Variants in NCAPH observed in about 807,000 individuals in gnomAD.
The protein encoded by NCAPH is condensin complex subunit 2.
A neutral mutation model predicts 85.5 loss-of-function variants in NCAPH; 38 were observed. The observed-to-expected ratio is 0.44, with a 90% CI of 0.34 to 0.58. The LOEUF (loss-of-function observed/expected upper bound fraction) is 0.58, where lower values mean the gene tolerates loss of function less well. Among genes scored for constraint, NCAPH ranks in the 20% least tolerant of loss-of-function variants. NCAPH has a pLI of 0.01. For missense variants in NCAPH, 789 were observed against 916.6 expected, an observed-to-expected ratio of 0.86 and a Z score of 1.80; for synonymous variants, 301 against 335.1, an observed-to-expected ratio of 0.90 and a Z score of 1.11.
At position 96,369,519 on chromosome 2, in the gene NCAPH, C is replaced by T. The variant is rs376108838; in HGVS notation, c.2166+19C>T. On this transcript the variant is annotated intron_variant, in intron 17 of 17. Transcript: ENST00000240423. ...TGAAAAGGTAGGTAATTAAGGTAAGCATGGGAGTATTAGAGTATTCCCTGT... is the reference window on the plus strand; with the variant it reads ...TGAAAAGGTAGGTAATTAAGGTAAGTATGGGAGTATTAGAGTATTCCCTGT... 2.7e-5 allele frequency: 44 copies of T among 1,603,800 alleles called. No individual in the cohort carries two copies. The highest frequency in any genetic ancestry group is 3.4e-5 in the Non-Finnish European group (40 of 1,170,762).
chr2:96,337,501 G>A (rs1173180711), intron 1 of NCAPH, among the ~76,000 whole-genome samples: 1 of 151,862 alleles, frequency 6.6e-6, no homozygotes, highest in Non-Finnish European at 1.5e-5. Context: ...CCCACTGCAA[G>A]CTCCGCCTCC....
chr2:96,372,551 G>T (rs945477041), intron 17 of NCAPH, among the ~76,000 whole-genome samples: 23 of 152,112 alleles, frequency 1.5e-4, no homozygotes, highest in African/African-American at 5.6e-4. Flanking sequence ...CAACTCTTCT[G>T]AGTAGTGTGA....
intron 6 of NCAPH, 100 bp from the exon 7 acceptor site, chr2:96,351,731 G>T: frequency 2.2e-6 from 2 of 920,524 alleles, no homozygotes; most frequent in East Asian, 2.8e-5. Flanking sequence ...TTTCAGTCCA[G>T]TGTATATACC....
chr2:96,349,823 A>G (rs186330639), intron 6 of NCAPH, among the ~76,000 whole-genome samples: 1 of 152,336 alleles, frequency 6.6e-6, no homozygotes, highest in African/African-American at 2.4e-5. Flanking sequence ...ATTATGCTTC[A>G]GTTCTTTATA....
rs565737777 is a variant in NCAPH, at chr2:96,341,862, C to T, written c.240C>T (p.Asp80=). ...TCTTTGATCTGCAGTTCAGCACTGACTCACCTCGCTTATTGGCCTCCCCCT... is the reference window on the plus strand; with the variant it reads ...TCTTTGATCTGCAGTTCAGCACTGATTCACCTCGCTTATTGGCCTCCCCCT... ...SRVFDLQFST[D]SPRLLASPSS... The change falls in exon 2 of 18, where the codon GAC becomes GAT. Residue 80 remains aspartate (D), a synonymous_variant. Transcript: ENST00000240423. 3 of 1,611,906 alleles carry T rather than the reference C, an allele frequency of 1.9e-6. No individual in the cohort carries two copies. The highest frequency in any genetic ancestry group is 2.7e-5 in the African/African-American group (2 of 74,888).
At chr2:96,370,340 T>C (rs1333235980) in intron 17 of NCAPH, among the ~76,000 whole-genome samples, 1 of 152,212 alleles carries the variant, frequency 6.6e-6, no homozygotes, top group East Asian at 1.9e-4. Context: ...GGGTGGGCAC[T>C]GGAGTGCAGT....
chr2:96,354,061 G>A, intron 8 of NCAPH, 122 bp from the exon 9 acceptor site: 1 of 927,848 alleles, frequency 1.1e-6, no homozygotes, highest in Non-Finnish European at 1.7e-6. Context: ...GAAAGGGAAG[G>A]GTGGCTCAGG....
At chr2:96,347,991 G>A (rs1029299296) in intron 6 of NCAPH, among the ~76,000 whole-genome samples, 2 of 152,090 alleles carry the variant, frequency 1.3e-5, no homozygotes, top group Non-Finnish European at 2.9e-5. Context: ...CCTTATGTGT[G>A]TGTCAGCATT....
intron 12 of NCAPH, among the ~76,000 whole-genome samples, chr2:96,363,670 G>A (rs1045934378): frequency 1.3e-5 from 2 of 152,168 alleles, no homozygotes; most frequent in Admixed American, 1.3e-4. Flanking sequence ...ATAGGCACTC[G>A]TAAAAGAGGA....
At chr2:96,346,157 G>A (rs551762351) in intron 6 of NCAPH, among the ~76,000 whole-genome samples, 4 of 152,204 alleles carry the variant, frequency 2.6e-5, no homozygotes, top group African/African-American at 7.2e-5. Flanking sequence ...CTCGGCTGAC[G>A]GGTGTTGTTT....
Position 96,364,611 on chromosome 2 carries a change from T to C in NCAPH, c.1698+20T>C, listed in dbSNP as rs568472507. On this transcript the variant is annotated intron_variant, in intron 13 of 17. Coordinates refer to ENST00000240423, the MANE Select transcript of NCAPH (RefSeq NM_015341.5). ...TTACAGGTAAAGGGGGGAAAGGGGCTCTGTCCTCTCTTCTAAGCCAGGGAG... is the reference window on the plus strand; with the variant it reads ...TTACAGGTAAAGGGGGGAAAGGGGCCCTGTCCTCTCTTCTAAGCCAGGGAG... 1.1e-5 allele frequency: 16 copies of C among 1,522,390 alleles called. No homozygotes were observed. In the South Asian group the frequency reaches 1.6e-4, roughly 15 times the overall value. 94.3% of individuals were successfully genotyped at this position (1,522,390 alleles called of 1,614,324 possible).
At chr2:96,345,541 C>G (rs886196848) in intron 6 of NCAPH, among the ~76,000 whole-genome samples, 2 of 152,192 alleles carry the variant, frequency 1.3e-5, no homozygotes, top group African/African-American at 4.8e-5. Flanking sequence ...TGCCTTCTCT[C>G]CCTTGGAGCC....
In NCAPH at chr2:96,335,790, G is replaced by A. The variant is rs1249291901; in HGVS notation, c.-40G>A. ...CGTTACGGCGCTCAGGCGTCTCGAC[G>A]CGCGCGATTTAAAACCAGCTCAGGA... On this transcript the variant is annotated 5_prime_UTR_variant, in exon 1 of 18. Coordinates refer to ENST00000240423, the MANE Select transcript of NCAPH (RefSeq NM_015341.5). The A allele has an allele frequency of 2.7e-5, 40 of 1,470,440 alleles. No individual in the cohort carries two copies. Among genetic ancestry groups the A allele is most frequent in the Non-Finnish European group, 3.6e-5 (40 of 1,111,768 alleles). The allele number at this position is 1,470,440 out of a possible 1,614,324, so 91.1% of individuals were successfully genotyped here.
intron 17 of NCAPH, among the ~76,000 whole-genome samples, chr2:96,372,427 T>G (rs1411918893): frequency 6.6e-6 from 1 of 152,156 alleles, no homozygotes; most frequent in Non-Finnish European, 1.5e-5. Context: ...GTTAATATAG[T>G]AGCCCCCTGT....
Position 96,369,518 on chromosome 2 carries a change from G to T in NCAPH, c.2166+18G>T, listed in dbSNP as rs758253951. The T allele has an allele frequency of 1.1e-5, 17 of 1,604,964 alleles. No individual in the cohort carries two copies. Among genetic ancestry groups the T allele is most frequent in the Non-Finnish European group, 1.4e-5 (16 of 1,171,730 alleles). The stretch of plus-strand genomic sequence containing the variant: ...ATGAAAAGGTAGGTAATTAAGGTAA[G>T]CATGGGAGTATTAGAGTATTCCCTG... On this transcript the variant is annotated intron_variant, in intron 17 of 17. Transcript: ENST00000240423.
rs1450933206 is a variant in NCAPH, at chr2:96,366,066, T to A, written c.1881+8T>A. 1 of 1,613,442 alleles carries A rather than the reference T, an allele frequency of 6.2e-7. No homozygotes were observed. On this transcript the variant is annotated splice_region_variant and intron_variant, in intron 14 of 17. Transcript: ENST00000240423. Reference sequence around the variant, plus strand: ...GTAGCTGAGCCTCAGAAGGTACGGATGAAACAGCTGAGAATTACATTGTTT... The same window carrying A: ...GTAGCTGAGCCTCAGAAGGTACGGAAGAAACAGCTGAGAATTACATTGTTT...
At chr2:96,368,643 G>A (rs2064730977) in intron 15 of NCAPH, among the ~76,000 whole-genome samples, 2 of 152,036 alleles carry the variant, frequency 1.3e-5, no homozygotes, top group South Asian at 4.1e-4. Flanking sequence ...GCGACAGAGC[G>A]AGACTCCGTC....
chr2:96,342,884 T>G, intron 4 of NCAPH, 36 bp downstream of exon 4: 1 of 1,538,386 alleles, frequency 6.5e-7, no homozygotes, highest in Non-Finnish European at 9.0e-7. Flanking sequence ...GCATCTGAAT[T>G]AAATGATGAT....
intron 1 of NCAPH, among the ~76,000 whole-genome samples, chr2:96,337,683 G>T (rs950453394): frequency 6.6e-6 from 1 of 152,154 alleles, no homozygotes; most frequent in African/African-American, 2.4e-5. Flanking sequence ...CTCCCAAAGT[G>T]CTGGGATTAC....
Sources: allele counts gnomAD v4.1 joint callset (sites outside exome capture counted in the v4.1 genomes callset), GRCh38; gene constraint gnomAD v4.1.1; transcripts MANE v1.5; gene names NCBI Gene and HGNC (gene_info 2026-07-23, HGNC 2026-07-21).